Variants in PHACTR4 observed in about 807,000 individuals in gnomAD.
The protein encoded by PHACTR4 is protein phosphatase 1, regulatory subunit 124.
Under a neutral mutation model 72.7 loss-of-function variants are expected in PHACTR4, and 51 were observed. That is an observed-to-expected ratio of 0.70 (90% CI 0.56 to 0.89). The LOEUF is 0.89. Ranked by LOEUF, PHACTR4 falls within the 40% of genes least tolerant of loss-of-function variation. The probability of loss-of-function intolerance (pLI) is 0.00; values close to 1 mark genes in which losing one functional copy is unlikely to be tolerated. For missense variants in PHACTR4, 731 were observed against 861.8 expected, an observed-to-expected ratio of 0.85 and a Z score of 1.90; for synonymous variants, 255 against 302.5, an observed-to-expected ratio of 0.84 and a Z score of 1.63.
intron 1 of PHACTR4, among the ~76,000 whole-genome samples, chr1:28,375,319 C>A (rs540232164): frequency 1.5e-5 from 2 of 134,128 alleles, no homozygotes; most frequent in East Asian, 5.2e-4. Flanking sequence ...CTGCCCGCCC[C>A]CACCCACCCC....
intron 1 of PHACTR4, among the ~76,000 whole-genome samples, chr1:28,390,865 C>G (rs1334514649): frequency 6.6e-6 from 1 of 151,936 alleles, no homozygotes; most frequent in Non-Finnish European, 1.5e-5. Flanking sequence ...TAGGTGGAGG[C>G]AGGCGGATTG....
chr1:28,440,418 C>T lies in PHACTR4; in HGVS notation c.17-18667C>T, dbSNP rs1468099701. Among the ~76,000 whole-genome samples, 3 of 17,964 alleles carry T rather than the reference C, an allele frequency of 1.7e-4. No individual in the cohort carries two copies. In the African/African-American group the frequency reaches 2.0e-3, roughly 12 times the overall value. 11.8% of individuals were successfully genotyped at this position (17,964 alleles called of 152,430 possible). A position where few individuals can be genotyped will look rare whatever the true frequency, so the allele number is the denominator to read the frequency against. ...TCTTTTTTTTTTTTTTTTTTTGAGACGGAGTCTTACTCTGTCGCCCAGGCT... is the reference window on the plus strand; with the variant it reads ...TCTTTTTTTTTTTTTTTTTTTGAGATGGAGTCTTACTCTGTCGCCCAGGCT... On this transcript the variant is annotated intron_variant, in intron 2 of 13. Transcript: ENST00000373839.
At chr1:28,391,172 G>A (rs1357212502) in intron 1 of PHACTR4, among the ~76,000 whole-genome samples, 1 of 150,072 alleles carries the variant, frequency 6.7e-6, no homozygotes. Context: ...GGCCGAGGCA[G>A]GCGGATCATG....
rs1490537685 is a variant in PHACTR4, at chr1:28,493,028, A to C, written c.2030A>C (p.Lys677Thr). ...LTPADKAAIR[K>T]ELNEFKSSEM... ...TCTACTCCACAGGCTGCCATAAGAA[A>C]AGAATTAAATGAATTTAAAAGCTCC... The change falls in exon 13 of 14, where the codon AAA becomes ACA. Residue 677 changes from lysine (K) to threonine (T), a missense_variant. Transcript: ENST00000373839. 1.2e-6 allele frequency: 2 copies of C among 1,613,022 alleles called. No homozygotes were observed. The highest frequency in any genetic ancestry group is 1.7e-5 in the Admixed American group (1 of 59,994).
Position 28,496,780 on chromosome 1 carries a change from A to G in PHACTR4, c.*231A>G. ...CTTTTGAACCTTTCAATATTGTAGCATGCTTGAGGAGTTTTTCCCTTACTG... is the reference window on the plus strand; with the variant it reads ...CTTTTGAACCTTTCAATATTGTAGCGTGCTTGAGGAGTTTTTCCCTTACTG... On this transcript the variant is annotated 3_prime_UTR_variant, in exon 14 of 14. Coordinates refer to ENST00000373839, the MANE Select transcript of PHACTR4 (RefSeq NM_001048183.3). The G allele has an allele frequency of 1.7e-6, 1 of 584,656 alleles. No individual in the cohort carries two copies. The highest frequency in any genetic ancestry group is 3.0e-6 in the Non-Finnish European group (1 of 328,592). The allele number at this position is 584,656 out of a possible 1,614,324, so 36.2% of individuals were successfully genotyped here. A position where few individuals can be genotyped will look rare whatever the true frequency, so the allele number is the denominator to read the frequency against.
At chr1:28,388,634 G>A (rs143586135) in intron 1 of PHACTR4, among the ~76,000 whole-genome samples, 3 of 152,290 alleles carry the variant, frequency 2.0e-5, no homozygotes, top group South Asian at 2.1e-4. Flanking sequence ...GGCAGATCAC[G>A]AGGTCAAGAG....
rs1659699942 is a variant in PHACTR4, at chr1:28,473,314, C to T, written c.824-240C>T. ...AAAAAAAAATTGTCATATCTGTTGC[C>T]ATAGCAATGAAGTAAGCTACTCATC... is the stretch of plus-strand genomic sequence containing the variant. On this transcript the variant is annotated intron_variant, in intron 6 of 13. Coordinates refer to ENST00000373839, the MANE Select transcript of PHACTR4 (RefSeq NM_001048183.3). Among the ~76,000 whole-genome samples the T allele has an allele frequency of 2.6e-5, 4 of 151,370 alleles. No individual in the cohort carries two copies. The South Asian group carries it at 8.3e-4, about 31-fold the overall frequency.
intron 9 of PHACTR4, among the ~76,000 whole-genome samples, chr1:28,482,225 A>G (rs1660327218): frequency 6.6e-6 from 1 of 152,126 alleles, no homozygotes; most frequent in South Asian, 2.1e-4. Context: ...ACCATGAGAT[A>G]GACATATGGT....
chr1:28,407,621 A>G (rs1202069397), intron 2 of PHACTR4, among the ~76,000 whole-genome samples, 158 bp downstream of exon 2: 3 of 151,808 alleles, frequency 2.0e-5, no homozygotes, highest in African/African-American at 7.3e-5. Context: ...ATTCAGTTAT[A>G]TATTTAATGA....
At chr1:28,455,460 G>C (rs933535712) in intron 2 of PHACTR4, among the ~76,000 whole-genome samples, 2 of 152,032 alleles carry the variant, frequency 1.3e-5, no homozygotes, top group African/African-American at 2.4e-5. Context: ...GCTTCCCAAA[G>C]TGCTGGGATT....
intron 2 of PHACTR4, among the ~76,000 whole-genome samples, chr1:28,412,435 CAG>C (rs1035234395): frequency 1.3e-5 from 2 of 152,118 alleles, no homozygotes; most frequent in South Asian, 4.1e-4. Context: ...TCATCATAAA[CAG>C]TAATAAAAAT....
intron 2 of PHACTR4, among the ~76,000 whole-genome samples, chr1:28,439,287 AT>A (rs558209039): frequency 6.6e-6 from 1 of 151,714 alleles, no homozygotes; most frequent in African/African-American, 2.4e-5. Flanking sequence ...CCTAGGCTGC[AT>A]TTTTTGTTTT....
rs1468459755 is a variant in PHACTR4, at chr1:28,460,235, C to T, written c.214C>T (p.Arg72Ter). 2 of 1,613,186 alleles carry T rather than the reference C, an allele frequency of 1.2e-6. No homozygotes were observed. The highest frequency in any genetic ancestry group is 1.7e-6 in the Non-Finnish European group (2 of 1,179,572). The change falls in exon 4 of 14, where the codon CGA (arginine) becomes TGA (stop). Residue 72 changes from arginine to a stop codon, truncating the protein, a stop_gained. Coordinates refer to ENST00000373839, the MANE Select transcript of PHACTR4 (RefSeq NM_001048183.3). LOFTEE classifies it high-confidence loss of function. ...AGTTTTAGAACGGAAAATATCTATG[C>T]GAAAGCCAAGAGAAGAGCTGGTTAA... The part of the protein sequence containing the change: ...SEVLERKISM[R>*]KPREELVKRG...
intron 6 of PHACTR4, among the ~76,000 whole-genome samples, chr1:28,468,732 T>C (rs1241284833): frequency 1.3e-5 from 2 of 152,188 alleles, no homozygotes; most frequent in African/African-American, 4.8e-5. Context: ...AAGCTTATGA[T>C]AACAGACTGC....
chr1:28,371,570 C>T (rs1651246959), intron 1 of PHACTR4, among the ~76,000 whole-genome samples: 1 of 151,970 alleles, frequency 6.6e-6, no homozygotes, highest in African/African-American at 2.4e-5. Context: ...GCTGGGATTA[C>T]AAGCGTGAGC....
At chr1:28,435,971 T>C (rs1164606375) in intron 2 of PHACTR4, among the ~76,000 whole-genome samples, 1 of 152,224 alleles carries the variant, frequency 6.6e-6, no homozygotes, top group Non-Finnish European at 1.5e-5. Flanking sequence ...ATGGTCAACA[T>C]CATAATGTTT....
chr1:28,400,132 G>A (rs1653831656), intron 1 of PHACTR4, among the ~76,000 whole-genome samples: 3 of 152,246 alleles, frequency 2.0e-5, no homozygotes, highest in South Asian at 4.1e-4. Flanking sequence ...CAGCACTTTG[G>A]GAGGCCAAGG....
chr1:28,381,419 C>T (rs1652160570), intron 1 of PHACTR4, among the ~76,000 whole-genome samples: 1 of 151,548 alleles, frequency 6.6e-6, no homozygotes. Flanking sequence ...TTGCCTTAGC[C>T]TCCCGAGTAG....
chr1:28,370,807 A>G (rs1258140575), intron 1 of PHACTR4, among the ~76,000 whole-genome samples: 1 of 152,044 alleles, frequency 6.6e-6, no homozygotes, highest in African/African-American at 2.4e-5. Flanking sequence ...AAAGAAATGA[A>G]TTTCGGGCGT....
Sources: allele counts gnomAD v4.1 joint callset (sites outside exome capture counted in the v4.1 genomes callset), GRCh38; gene constraint gnomAD v4.1.1; transcripts MANE v1.5; gene names NCBI Gene and HGNC (gene_info 2026-07-23, HGNC 2026-07-21).